ATP8A2: variants seen among roughly 807,000 people sequenced by gnomAD.
ATP8A2 encodes the protein phospholipid-transporting ATPase IB.
ATP8A2 carries 100 observed loss-of-function variants against 165.6 expected under a neutral mutation model. The observed-to-expected ratio is 0.60, with a 90% confidence interval of 0.51 to 0.71. The LOEUF (loss-of-function observed/expected upper bound fraction) is 0.71. Among genes scored for constraint, ATP8A2 ranks in the 30% least tolerant of loss-of-function variants. ATP8A2 has a pLI of 0.00. For missense variants in ATP8A2, 1,227 were observed against 1,479.5 expected (o/e 0.83, Z 2.80); for synonymous variants, 543 against 548.8 (o/e 0.99, Z 0.15).
intron 27 of ATP8A2, among the ~76,000 whole-genome samples, chr13:25,815,672 A>G (rs1950997871): frequency 6.6e-6 from 1 of 152,224 alleles, no homozygotes; most frequent in African/African-American, 2.4e-5. Context: ...TGATCCAGCA[A>G]TTCTACTTCT....
chr13:25,779,645 A>T (rs1333021961), intron 27 of ATP8A2, among the ~76,000 whole-genome samples: 2 of 152,134 alleles, frequency 1.3e-5, no homozygotes, highest in Non-Finnish European at 2.9e-5. Context: ...GTCTATCAAT[A>T]TGTAGGGCAG....
intron 1 of ATP8A2, among the ~76,000 whole-genome samples, chr13:25,408,892 G>A (rs557884614): frequency 7.9e-5 from 12 of 152,232 alleles, no homozygotes; most frequent in Admixed American, 7.8e-4. Flanking sequence ...GCTTAAATAT[G>A]GAAATAATGA....
At chr13:25,438,455 C>T (rs2034839768) in intron 1 of ATP8A2, among the ~76,000 whole-genome samples, 1 of 152,000 alleles carries the variant, frequency 6.6e-6, no homozygotes, top group African/African-American at 2.4e-5. Context: ...TGAGCCTGAG[C>T]AACAGAGACC....
chr13:25,782,454 G>A (rs908544166), intron 27 of ATP8A2, among the ~76,000 whole-genome samples: 4 of 152,146 alleles, frequency 2.6e-5, no homozygotes, highest in African/African-American at 9.7e-5. Flanking sequence ...CTGAGACTGA[G>A]GTACTGGGAC....
intron 30 of ATP8A2, among the ~76,000 whole-genome samples, chr13:25,850,117 A>G (rs1171536648): frequency 6.6e-6 from 1 of 152,170 alleles, no homozygotes; most frequent in African/African-American, 2.4e-5. Context: ...CTGAATTTGC[A>G]AAAGGCAAAC....
At chr13:25,938,297 T>C (rs1954974820) in intron 33 of ATP8A2, among the ~76,000 whole-genome samples, 1 of 152,150 alleles carries the variant, frequency 6.6e-6, no homozygotes. Flanking sequence ...GGACGGACTT[T>C]TACAGCATGA....
In ATP8A2 at chr13:25,828,002, A is replaced by G. The variant is rs911492131; in HGVS notation, c.2680-116A>G. The G allele has an allele frequency of 1.5e-5, 12 of 790,354 alleles. No homozygotes were observed. In the African/African-American group the frequency reaches 1.9e-4, roughly 12 times the overall value. The allele number at this position is 790,354 out of a possible 1,614,324, so 49.0% of individuals were successfully genotyped here. A position where few individuals can be genotyped will look rare whatever the true frequency, so the allele number is the denominator to read the frequency against. ...ACAACTGCTGCAGTCCCTGTGGCTC[A>G]TGATTCCTTAGCAGCTGTGTCCAGC... On this transcript the variant is annotated intron_variant, in intron 27 of 36. Transcript: ENST00000381655.
chr13:25,853,592 T>C (rs1199151824), intron 30 of ATP8A2, among the ~76,000 whole-genome samples: 1 of 152,112 alleles, frequency 6.6e-6, no homozygotes, highest in Non-Finnish European at 1.5e-5. Flanking sequence ...TGTCAAACCA[T>C]AGCTACAAAT....
At chr13:25,650,806 A>C (rs1364585379) in intron 24 of ATP8A2, among the ~76,000 whole-genome samples, 2 of 152,176 alleles carry the variant, frequency 1.3e-5, no homozygotes, top group Admixed American at 6.5e-5. Flanking sequence ...ATAATTTCCC[A>C]ATGTTAAACC....
intron 30 of ATP8A2, among the ~76,000 whole-genome samples, chr13:25,859,523 C>G (rs908721141): frequency 3.3e-5 from 5 of 151,460 alleles, no homozygotes; most frequent in South Asian, 2.1e-4. Flanking sequence ...TATTAGCATT[C>G]TGCCTTAGTG....
intron 1 of ATP8A2, among the ~76,000 whole-genome samples, chr13:25,468,069 G>A (rs1173808163): frequency 1.3e-5 from 2 of 152,280 alleles, no homozygotes; most frequent in Middle Eastern, 6.8e-3. Context: ...CCTTGGAGTT[G>A]GAGATGAGGT....
At chr13:25,451,071 G>T (rs2035211517) in intron 1 of ATP8A2, among the ~76,000 whole-genome samples, 1 of 151,560 alleles carries the variant, frequency 6.6e-6, no homozygotes. Context: ...TTTTCCCTTG[G>T]GACTCCAATT....
At chr13:25,487,621 G>T (rs962557494) in intron 2 of ATP8A2, among the ~76,000 whole-genome samples, 46 of 151,348 alleles carry the variant, frequency 3.0e-4, no homozygotes, top group Non-Finnish European at 5.3e-4. Context: ...TACCACTTGG[G>T]TTTTACAAAA....
intron 2 of ATP8A2, among the ~76,000 whole-genome samples, 177 bp downstream of exon 2, chr13:25,469,298 G>C (rs1342539062): frequency 6.6e-6 from 1 of 151,104 alleles, no homozygotes; most frequent in East Asian, 2.0e-4. Flanking sequence ...GCTTCCAGTA[G>C]GGTCATGCGA....
chr13:25,719,981 A>G (rs977868255), intron 25 of ATP8A2, among the ~76,000 whole-genome samples: 2 of 151,684 alleles, frequency 1.3e-5, no homozygotes, highest in Non-Finnish European at 2.9e-5. Context: ...TTCCTCATGT[A>G]GCATCCCCTC....
chr13:25,995,600 T>A (rs1956482998), intron 35 of ATP8A2, among the ~76,000 whole-genome samples: 1 of 152,094 alleles, frequency 6.6e-6, no homozygotes, highest in Admixed American at 6.6e-5. Flanking sequence ...TTGAAGATTT[T>A]TCTGTTATCT....
intron 29 of ATP8A2, 151 bp from the exon 30 acceptor site, chr13:25,839,394 GT>G (rs532721577): frequency 0.032 from 15,029 of 476,022 alleles, 1 homozygote; most frequent in East Asian, 0.038. Flanking sequence ...ATTTGGGTGG[GT>G]TTTTTTTTTT....
At chr13:25,786,790 C>T (rs2045039732) in intron 27 of ATP8A2, among the ~76,000 whole-genome samples, 2 of 140,680 alleles carry the variant, frequency 1.4e-5, no homozygotes, top group Non-Finnish European at 3.0e-5. Flanking sequence ...GAGTTTCACT[C>T]TGGTTGCCCA....
intron 24 of ATP8A2, among the ~76,000 whole-genome samples, chr13:25,685,871 A>G (rs1421016767): frequency 6.6e-6 from 1 of 152,082 alleles, no homozygotes; most frequent in Non-Finnish European, 1.5e-5. Context: ...AGGCCCAGGG[A>G]CAGTTCAGGA....
Sources: gnomAD v4.1 joint callset for allele counts (sites outside exome capture counted in the v4.1 genomes callset) on GRCh38, gnomAD v4.1.1 for gene constraint, MANE v1.5 for transcripts, NCBI Gene and HGNC (gene_info 2026-07-23, HGNC 2026-07-21) for gene names.